The following AGBL4 variants were observed in gnomAD, a reference collection of about 807,000 sequenced individuals.
AGBL4 encodes AGBL carboxypeptidase 4, also known as cytosolic carboxypeptidase 6.
In AGBL4, 58 loss-of-function variants were observed where a neutral mutation model predicts 66.4. The observed-to-expected ratio is 0.87, with a 90% CI of 0.71 to 1.09. AGBL4 has a LOEUF of 1.09. Among genes scored for constraint, AGBL4 ranks in the 50% least tolerant of loss-of-function variants. The pLI is 0.00. For synonymous variants in AGBL4, 234 were observed against 222.9 expected, an observed-to-expected ratio of 1.05 and a Z score of -0.44; for missense variants, 579 against 631.0, an observed-to-expected ratio of 0.92 and a Z score of 0.88.
chr1:48,708,232 C>T (rs994687258), intron 6 of AGBL4, among the ~76,000 whole-genome samples: 1 of 152,194 alleles, frequency 6.6e-6, no homozygotes, highest in Admixed American at 6.5e-5. Flanking sequence ...TTGCCCTCTG[C>T]TCAGCCTGCT....
chr1:49,128,936 T>G (rs560505172), intron 4 of AGBL4, among the ~76,000 whole-genome samples: 1 of 151,864 alleles, frequency 6.6e-6, no homozygotes, highest in East Asian at 1.9e-4. Flanking sequence ...TAAAGCCACA[T>G]AGAAAAAAAT....
At chr1:49,455,034 G>A (rs1001696882) in intron 3 of AGBL4, among the ~76,000 whole-genome samples, 16 of 151,578 alleles carry the variant, frequency 1.1e-4, no homozygotes, top group Admixed American at 7.2e-4. Flanking sequence ...TTAAAGAGAG[G>A]TTAAGTAACT....
intron 5 of AGBL4, among the ~76,000 whole-genome samples, chr1:48,930,372 T>G (rs568320123): frequency 2.0e-5 from 3 of 152,126 alleles, no homozygotes; most frequent in Non-Finnish European, 2.9e-5. Flanking sequence ...TTTTAGTTGT[T>G]GTTGTTTTGA....
intron 5 of AGBL4, among the ~76,000 whole-genome samples, chr1:48,970,619 T>C (rs945698860): frequency 2.0e-5 from 3 of 152,168 alleles, no homozygotes; most frequent in Admixed American, 6.6e-5. Flanking sequence ...TTTTGACTTA[T>C]TAAAAAATCT....
intron 4 of AGBL4, among the ~76,000 whole-genome samples, chr1:49,109,699 G>C (rs1645366879): frequency 6.6e-6 from 1 of 151,986 alleles, no homozygotes. Flanking sequence ...CTTAAACTCT[G>C]GTGAATCACT....
intron 1 of AGBL4, among the ~76,000 whole-genome samples, chr1:49,985,190 C>T (rs1322603595): frequency 6.6e-6 from 1 of 152,164 alleles, no homozygotes; most frequent in Non-Finnish European, 1.5e-5. Context: ...CCTTCCCCGC[C>T]TGCCCCACAT....
At chr1:48,659,114 T>C (rs1646066838) in intron 7 of AGBL4, among the ~76,000 whole-genome samples, 1 of 152,140 alleles carries the variant, frequency 6.6e-6, no homozygotes, top group Non-Finnish European at 1.5e-5. Flanking sequence ...AGCTGCCCAG[T>C]GACCTGGTGG....
At chr1:49,011,128 T>C (rs1662368051) in intron 5 of AGBL4, among the ~76,000 whole-genome samples, 1 of 150,518 alleles carries the variant, frequency 6.6e-6, no homozygotes, top group African/African-American at 2.4e-5. Context: ...TGCAACCTAC[T>C]CATCTGACAA....
intron 4 of AGBL4, among the ~76,000 whole-genome samples, chr1:49,054,834 ACTTTTT>A (rs1644282462): frequency 6.6e-6 from 1 of 151,884 alleles, no homozygotes; most frequent in Admixed American, 6.6e-5. Context: ...TTGATTTTGT[ACTTTTT>A]CTTTATTATT....
intron 3 of AGBL4, among the ~76,000 whole-genome samples, chr1:49,560,263 C>T (rs577464319): frequency 6.6e-6 from 1 of 152,048 alleles, no homozygotes; most frequent in African/African-American, 2.4e-5. Flanking sequence ...ATCAGATAAA[C>T]TAAATAAAGA....
chr1:48,855,706 A>T lies in AGBL4; in HGVS notation c.634+11485T>A, dbSNP rs1398187968. On this transcript the variant is annotated intron_variant, in intron 6 of 13. Coordinates refer to ENST00000371839, the MANE Select transcript of AGBL4 (RefSeq NM_032785.4). ...AAATAAATTTATGGTAGAGTTATTTATAAGGGCAAAACATCTAGAAATAAC... is the reference window on the plus strand; with the variant it reads ...AAATAAATTTATGGTAGAGTTATTTTTAAGGGCAAAACATCTAGAAATAAC... Among the ~76,000 whole-genome samples, 3 of 152,218 alleles carry T rather than the reference A, an allele frequency of 2.0e-5. No homozygotes were observed. In the South Asian group the frequency reaches 6.2e-4, roughly 32 times the overall value.
chr1:49,504,823 A>G (rs1389984661), intron 3 of AGBL4, among the ~76,000 whole-genome samples: 1 of 151,986 alleles, frequency 6.6e-6, no homozygotes, highest in East Asian at 1.9e-4. Context: ...TGATTGGAGA[A>G]TCTAATCCAT....
At chr1:49,436,066 G>C (rs561957490) in intron 3 of AGBL4, among the ~76,000 whole-genome samples, 2 of 152,146 alleles carry the variant, frequency 1.3e-5, no homozygotes, top group Non-Finnish European at 2.9e-5. Context: ...GTTTCTGGTG[G>C]ATATGAAATT....
intron 4 of AGBL4, among the ~76,000 whole-genome samples, chr1:49,226,851 C>T (rs1484502251): frequency 1.3e-5 from 2 of 152,160 alleles, no homozygotes; most frequent in East Asian, 1.9e-4. Flanking sequence ...AGCTAACTGG[C>T]TTATAAACAA....
chr1:49,257,122 T>C (rs1164877143), intron 3 of AGBL4, among the ~76,000 whole-genome samples: 1 of 151,528 alleles, frequency 6.6e-6, no homozygotes, highest in Non-Finnish European at 1.5e-5. Flanking sequence ...AAAAAAATAC[T>C]ATGCAAAACG....
At chr1:49,534,021 T>G (rs1162800872) in intron 3 of AGBL4, among the ~76,000 whole-genome samples, 1 of 152,134 alleles carries the variant, frequency 6.6e-6, no homozygotes, top group Non-Finnish European at 1.5e-5. Context: ...GTCAAATTTC[T>G]ATAATACTCT....
At chr1:48,585,359 C>G (rs1644802345) in intron 11 of AGBL4, 1 of 152,212 alleles carries the variant, frequency 6.6e-6, no homozygotes. Flanking sequence ...TTCCAGGCAG[C>G]TCTCTGTCCC....
intron 9 of AGBL4, 66 bp downstream of exon 9, chr1:48,634,427 T>A (rs536476573): frequency 7.4e-7 from 1 of 1,358,696 alleles, no homozygotes; most frequent in African/African-American, 1.4e-5. Context: ...ACTTTCCCAA[T>A]ACAATGCTGC....
chr1:49,716,552 A>G (rs1034170966), intron 2 of AGBL4, among the ~76,000 whole-genome samples: 5 of 152,072 alleles, frequency 3.3e-5, no homozygotes, highest in African/African-American at 1.2e-4. Context: ...AACCAAATCC[A>G]CAAGCACATC....
Sources: allele counts gnomAD v4.1 joint callset (sites outside exome capture counted in the v4.1 genomes callset), GRCh38; gene constraint gnomAD v4.1.1; transcripts MANE v1.5; gene names NCBI Gene and HGNC (gene_info 2026-07-23, HGNC 2026-07-21).